The following SPIN1 variants were observed in gnomAD, a reference collection of about 807,000 sequenced individuals.
The protein encoded by SPIN1 is spindlin-1.
SPIN1 carries 3 observed loss-of-function variants against 26.0 expected under a neutral mutation model. The ratio of observed to expected loss-of-function variants is 0.12; its 90% confidence interval spans 0.05 to 0.30. The LOEUF (loss-of-function observed/expected upper bound fraction) is 0.30, where lower values mean the gene tolerates loss of function less well. SPIN1 is among the 10% of genes least tolerant of loss of function. SPIN1 has a pLI of 1.00. For missense variants in SPIN1, 126 were observed against 333.4 expected, an observed-to-expected ratio of 0.38 and a Z score of 4.84; for synonymous variants, 101 against 116.5, an observed-to-expected ratio of 0.87 and a Z score of 0.86.
intron 1 of SPIN1, among the ~76,000 whole-genome samples, chr9:88,410,108 C>T (rs1827404676): frequency 1.3e-5 from 2 of 151,660 alleles, no homozygotes; most frequent in East Asian, 1.9e-4. Flanking sequence ...TAGATCCTGT[C>T]TCTCTGATAC....
chr9:88,424,940 C>A (rs181248029), intron 1 of SPIN1, among the ~76,000 whole-genome samples: 1 of 152,134 alleles, frequency 6.6e-6, no homozygotes, highest in Non-Finnish European at 1.5e-5. Flanking sequence ...GGAAGATTCA[C>A]AGGTAGAAAA....
At chr9:88,405,744 T>G (rs567461179) in intron 1 of SPIN1, among the ~76,000 whole-genome samples, 2 of 152,122 alleles carry the variant, frequency 1.3e-5, no homozygotes, top group South Asian at 2.1e-4. Flanking sequence ...CACAGTAGTT[T>G]TGTTTGCAGT....
intron 2 of SPIN1, among the ~76,000 whole-genome samples, chr9:88,440,382 C>A (rs1326470066): frequency 1.3e-5 from 2 of 152,298 alleles, no homozygotes; most frequent in South Asian, 2.1e-4. Context: ...TGGTCTCGGA[C>A]TCCTGAGCTC....
intron 2 of SPIN1, among the ~76,000 whole-genome samples, chr9:88,438,652 G>T (rs1429699025): frequency 1.3e-5 from 2 of 152,072 alleles, no homozygotes; most frequent in African/African-American, 4.8e-5. Context: ...ATGCCTTCTG[G>T]ATCTGTCCAT....
chr9:88,448,491 A>G lies in SPIN1; in HGVS notation c.53-450A>G, dbSNP rs576165770. On this transcript the variant is annotated intron_variant, in intron 2 of 5. Coordinates refer to ENST00000375859, the MANE Select transcript of SPIN1 (RefSeq NM_006717.3). ...CTCAGCCTCCTGAGTGGCTGAGACC[A>G]CAGGTGCATACCACTACACTTGGCT... Among the ~76,000 whole-genome samples the G allele has an allele frequency of 4.5e-4, 68 of 151,986 alleles. 1 individual carries two copies. The highest frequency in any genetic ancestry group is 1.5e-3 in the African/African-American group (64 of 41,360).
chr9:88,447,938 C>T (rs779582480), intron 2 of SPIN1, among the ~76,000 whole-genome samples: 4 of 152,172 alleles, frequency 2.6e-5, no homozygotes, highest in Non-Finnish European at 5.9e-5. Context: ...GCATCTGAAA[C>T]CAGGTGTTTC....
intron 1 of SPIN1, chr9:88,410,922 G>C: frequency 9.3e-7 from 1 of 1,078,940 alleles, no homozygotes; most frequent in Non-Finnish European, 1.4e-6. Flanking sequence ...TGCTTTGACA[G>C]GGCTTTCCTA....
chr9:88,448,068 G>C (rs902258129), intron 2 of SPIN1, among the ~76,000 whole-genome samples: 2 of 148,688 alleles, frequency 1.3e-5, no homozygotes, highest in African/African-American at 2.5e-5. Flanking sequence ...TTTTGAGACA[G>C]TGTCTCACTC....
chr9:88,445,944 T>A (rs921391644), intron 2 of SPIN1, among the ~76,000 whole-genome samples: 1 of 152,178 alleles, frequency 6.6e-6, no homozygotes, highest in African/African-American at 2.4e-5. Context: ...GTCAACTAAG[T>A]AAGGTTGGTT....
At chr9:88,390,924 C>T (rs1826908245) in intron 1 of SPIN1, among the ~76,000 whole-genome samples, 1 of 152,066 alleles carries the variant, frequency 6.6e-6, no homozygotes, top group African/African-American at 2.4e-5. Context: ...CTGAAAATTG[C>T]AAAAACAGCA....
Position 88,440,500 on chromosome 9 carries a change from C to T in SPIN1, c.53-8441C>T, listed in dbSNP as rs370242503. On this transcript the variant is annotated intron_variant, in intron 2 of 5. Transcript: ENST00000375859. ...TTTTTAGTGATTGCCCTGTAGTTTG[C>T]GATATATATTTACAAGTAATCCAAG... is the stretch of plus-strand genomic sequence containing the variant. Among the ~76,000 whole-genome samples, 16 of 152,040 alleles carry T rather than the reference C, an allele frequency of 1.1e-4. No homozygotes were observed. The South Asian group carries it at 2.9e-3, about 28-fold the overall frequency.
At chr9:88,457,590 G>A (rs1424869365) in intron 3 of SPIN1, among the ~76,000 whole-genome samples, 1 of 151,966 alleles carries the variant, frequency 6.6e-6, no homozygotes, top group Non-Finnish European at 1.5e-5. Context: ...GAGGAACAAG[G>A]ATCAGATTGG....
intron 1 of SPIN1, among the ~76,000 whole-genome samples, chr9:88,422,039 G>C (rs959401025): frequency 5.3e-5 from 8 of 152,086 alleles, no homozygotes; most frequent in African/African-American, 1.9e-4. Context: ...CAATTCCGTT[G>C]TAGTGAAGGG....
intron 3 of SPIN1, among the ~76,000 whole-genome samples, chr9:88,460,195 A>C (rs1388392452): frequency 6.6e-6 from 1 of 152,052 alleles, no homozygotes; most frequent in Non-Finnish European, 1.5e-5. Context: ...CTTCTGTTAC[A>C]CAGAAGTTGG....
intron 3 of SPIN1, among the ~76,000 whole-genome samples, chr9:88,457,466 G>A (rs1385635155): frequency 6.6e-6 from 1 of 152,070 alleles, no homozygotes; most frequent in Non-Finnish European, 1.5e-5. Flanking sequence ...GGAGGTGGAG[G>A]TTGCAGTGAG....
intron 1 of SPIN1, among the ~76,000 whole-genome samples, chr9:88,389,706 TCTTAA>T (rs952170982): frequency 3.3e-5 from 5 of 152,208 alleles, no homozygotes; most frequent in Admixed American, 1.3e-4. Flanking sequence ...CGATTACCTG[TCTTAA>T]CTTTTTTTCT....
At chr9:88,436,330 G>A (rs149456635) in intron 2 of SPIN1, among the ~76,000 whole-genome samples, 3,095 of 152,158 alleles carry the variant, frequency 0.02, 107 homozygotes, top group African/African-American at 0.069. Flanking sequence ...AAGAGATAAC[G>A]GGCTCTATTT....
In SPIN1 at chr9:88,413,667, T is replaced by A. The variant is rs1827502170; in HGVS notation, c.-158-12715T>A. Among the ~76,000 whole-genome samples the A allele has an allele frequency of 2.0e-5, 3 of 152,024 alleles. No homozygotes were observed. The South Asian group carries it at 6.2e-4, about 32-fold the overall frequency. ...ATGTTGGCCTCCCAAGGTCTCACAC[T>A]CTACAGGTGTGAGCCACTGTGCCGG... On this transcript the variant is annotated intron_variant, in intron 1 of 5. Coordinates refer to ENST00000375859, the MANE Select transcript of SPIN1 (RefSeq NM_006717.3).
chr9:88,438,826 C>T lies in SPIN1; in HGVS notation c.53-10115C>T, dbSNP rs548290592. On this transcript the variant is annotated intron_variant, in intron 2 of 5. Coordinates refer to ENST00000375859, the MANE Select transcript of SPIN1 (RefSeq NM_006717.3). ...GACATTAATACTAAAGAAAAAGTGCCTGTTGATGACATGGGGAAAATGTGT... is the reference window on the plus strand; with the variant it reads ...GACATTAATACTAAAGAAAAAGTGCTTGTTGATGACATGGGGAAAATGTGT... Among the ~76,000 whole-genome samples the T allele has an allele frequency of 8.5e-5, 13 of 152,212 alleles. No individual in the cohort carries two copies. The South Asian group carries it at 2.7e-3, about 32-fold the overall frequency.
Sources: allele counts gnomAD v4.1 joint callset (sites outside exome capture counted in the v4.1 genomes callset), GRCh38; gene constraint gnomAD v4.1.1; transcripts MANE v1.5; gene names NCBI Gene and HGNC (gene_info 2026-07-23, HGNC 2026-07-21).